The following ZFHX4 variants were observed in gnomAD, a reference collection of about 807,000 sequenced individuals.
The protein encoded by ZFHX4 is zinc finger homeobox protein 4.
In ZFHX4, 56 loss-of-function variants were observed where a neutral mutation model predicts 267.6. The observed-to-expected ratio is 0.21, with a 90% confidence interval of 0.17 to 0.26. The LOEUF (loss-of-function observed/expected upper bound fraction) is 0.26. ZFHX4 is among the 10% of genes least tolerant of loss of function. The probability of loss-of-function intolerance (pLI) is 1.00; values close to 1 mark genes in which losing one functional copy is unlikely to be tolerated. For missense variants in ZFHX4, 4,332 were observed against 4,420.0 expected, an observed-to-expected ratio of 0.98 and a Z score of 0.56; for synonymous variants, 1,778 against 1,665.6, an observed-to-expected ratio of 1.07 and a Z score of -1.64.
At chr8:76,822,665 C>A (rs1289312876) in intron 4 of ZFHX4, among the ~76,000 whole-genome samples, 10 of 151,842 alleles carry the variant, frequency 6.6e-5, no homozygotes, top group Non-Finnish European at 1.5e-4. Context: ...TTGTCTTGAA[C>A]TTCTGGCCTC....
At chr8:76,777,930 C>T (rs1810442462) in intron 3 of ZFHX4, among the ~76,000 whole-genome samples, 1 of 146,900 alleles carries the variant, frequency 6.8e-6, no homozygotes, top group Non-Finnish European at 1.5e-5. Flanking sequence ...TAAGAAGACT[C>T]AATTTTCTTT....
chr8:76,786,730 G>C (rs1810701491), intron 4 of ZFHX4, among the ~76,000 whole-genome samples: 1 of 152,038 alleles, frequency 6.6e-6, no homozygotes, highest in South Asian at 2.1e-4. Flanking sequence ...CAAGAAAAAA[G>C]CCCTGAATAA....
intron 3 of ZFHX4, among the ~76,000 whole-genome samples, chr8:76,749,054 A>G (rs1408852161): frequency 1.3e-5 from 2 of 152,196 alleles, no homozygotes; most frequent in Non-Finnish European, 2.9e-5. Context: ...ATGAACTAAA[A>G]TCAGTATTAA....
intron 3 of ZFHX4, among the ~76,000 whole-genome samples, chr8:76,763,424 A>C (rs1401043384): frequency 6.6e-6 from 1 of 152,124 alleles, no homozygotes; most frequent in African/African-American, 2.4e-5. Flanking sequence ...GGAGTTGGAG[A>C]TCAGGCTGGG....
chr8:76,742,642 A>G (rs879269708), intron 3 of ZFHX4, among the ~76,000 whole-genome samples: 2 of 152,232 alleles, frequency 1.3e-5, no homozygotes, highest in Admixed American at 1.3e-4. Flanking sequence ...TGTCTTCTGC[A>G]ATGCATGTTA....
chr8:76,718,082 T>TGTA (rs1808626221), intron 3 of ZFHX4, among the ~76,000 whole-genome samples: 1 of 152,208 alleles, frequency 6.6e-6, no homozygotes, highest in African/African-American at 2.4e-5. Context: ...AGAGAGTCAA[T>TGTA]TTACAAGACA....
At chr8:76,735,248 T>A (rs532003716) in intron 3 of ZFHX4, among the ~76,000 whole-genome samples, 114 of 152,182 alleles carry the variant, frequency 7.5e-4, no homozygotes, top group Admixed American at 1.6e-3. Context: ...ATTTTGTAGG[T>A]TTTTGAGCCA....
chr8:76,850,309 C>T lies in ZFHX4; in HGVS notation c.3911C>T (p.Ser1304Leu). The change falls in exon 9 of 11, where the codon TCA becomes TTA. Residue 1304 changes from serine to leucine, a missense_variant. By Grantham distance (145) the Ser-to-Leu change is moderately radical. Transcript: ENST00000651372. ...MLLPAAASEK[S>L]ERDTPAAVTA... ...CTGCCAGCAGCTGCCTCTGAGAAATCAGAGCGGGACACACCTGCAGCCGTG... is the reference window on the plus strand; with the variant it reads ...CTGCCAGCAGCTGCCTCTGAGAAATTAGAGCGGGACACACCTGCAGCCGTG... The T allele has an allele frequency of 1.9e-6, 3 of 1,613,206 alleles. No individual in the cohort carries two copies. The highest frequency in any genetic ancestry group is 2.5e-6 in the Non-Finnish European group (3 of 1,179,652).
At chr8:76,799,285 G>A (rs1003728736) in intron 4 of ZFHX4, among the ~76,000 whole-genome samples, 3 of 151,964 alleles carry the variant, frequency 2.0e-5, no homozygotes, top group Non-Finnish European at 4.4e-5. Flanking sequence ...TTCTGACCTC[G>A]CCTTTAGAGA....
intron 1 of ZFHX4, among the ~76,000 whole-genome samples, chr8:76,691,910 G>A (rs1563462122): frequency 6.6e-6 from 1 of 152,100 alleles, no homozygotes; most frequent in Non-Finnish European, 1.5e-5. Flanking sequence ...GATATTTTGA[G>A]TAGAGTTTCC....
At chr8:76,756,985 A>G (rs948276885) in intron 3 of ZFHX4, among the ~76,000 whole-genome samples, 2 of 152,150 alleles carry the variant, frequency 1.3e-5, no homozygotes, top group Non-Finnish European at 2.9e-5. Context: ...TATTTTTCCA[A>G]TAGCAGTGAA....
At chr8:76,710,040 A>C (rs901534833) in intron 3 of ZFHX4, among the ~76,000 whole-genome samples, 5 of 152,080 alleles carry the variant, frequency 3.3e-5, no homozygotes, top group African/African-American at 1.2e-4. Flanking sequence ...TGAAAGGTGT[A>C]CTCTTTCCTT....
At chr8:76,802,327 A>T (rs1811136998) in intron 4 of ZFHX4, among the ~76,000 whole-genome samples, 1 of 152,146 alleles carries the variant, frequency 6.6e-6, no homozygotes, top group Admixed American at 6.6e-5. Context: ...AAAGAGAGCA[A>T]TTTTAGTTGG....
chr8:76,727,480 C>T (rs1011468617), intron 3 of ZFHX4, among the ~76,000 whole-genome samples: 1 of 152,088 alleles, frequency 6.6e-6, no homozygotes, highest in Admixed American at 6.6e-5. Context: ...CTGCTCCTTT[C>T]CTTAGGTAAG....
intron 4 of ZFHX4, among the ~76,000 whole-genome samples, chr8:76,806,698 A>G (rs1388874461): frequency 6.6e-6 from 1 of 152,046 alleles, no homozygotes; most frequent in Non-Finnish European, 1.5e-5. Context: ...AAATATATAA[A>G]TTTTTCTATA....
intron 3 of ZFHX4, among the ~76,000 whole-genome samples, chr8:76,721,110 G>T (rs1209788457): frequency 1.3e-5 from 2 of 152,044 alleles, no homozygotes; most frequent in Non-Finnish European, 2.9e-5. Context: ...TCCTGAGGTA[G>T]GAAGAAAAGA....
At chr8:76,724,328 A>T (rs968914165) in intron 3 of ZFHX4, among the ~76,000 whole-genome samples, 14 of 151,974 alleles carry the variant, frequency 9.2e-5, no homozygotes, top group African/African-American at 3.4e-4. Context: ...TCTTCAGAAG[A>T]GAGAAACTGT....
intron 4 of ZFHX4, among the ~76,000 whole-genome samples, chr8:76,815,708 C>T (rs1157086033): frequency 1.3e-5 from 2 of 152,046 alleles, no homozygotes; most frequent in African/African-American, 4.8e-5. Flanking sequence ...ACTATATTGC[C>T]TAGGCTGTTC....
At chr8:76,799,635 C>G (rs1811067093) in intron 4 of ZFHX4, among the ~76,000 whole-genome samples, 1 of 152,194 alleles carries the variant, frequency 6.6e-6, no homozygotes, top group Non-Finnish European at 1.5e-5. Context: ...ACAGGATTCT[C>G]TCTCACACAT....
Sources: allele counts gnomAD v4.1 joint callset (sites outside exome capture counted in the v4.1 genomes callset), GRCh38; gene constraint gnomAD v4.1.1; transcripts MANE v1.5; gene names NCBI Gene and HGNC (gene_info 2026-07-23, HGNC 2026-07-21).